ZBED4: variants seen among roughly 807,000 people sequenced by gnomAD.
ZBED4 encodes the protein zinc finger BED-type containing 4.
ZBED4 carries 4 observed loss-of-function variants against 15.5 expected under a neutral mutation model. The observed-to-expected ratio is 0.26, with a 90% CI of 0.13 to 0.59. The LOEUF is 0.59. ZBED4 is among the 20% of genes least tolerant of loss of function. The pLI is 0.90. For synonymous variants in ZBED4, 692 were observed against 608.5 expected (o/e 1.14, Z -2.02); for missense variants, 1,323 against 1,461.8 (o/e 0.91, Z 1.55).
rs2147547116 is a variant in ZBED4, at chr22:49,884,209, C to T, written c.547C>T (p.Pro183Ser). Residue 183 changes from proline (P) to serine (S), a missense_variant, in exon 2 of 2, where the codon CCC (proline) becomes TCC (serine). Physicochemically the swap from Pro to Ser is moderately conservative, Grantham distance 74 (BLOSUM62 -1). Around this residue, in one of 6 missense-constraint regions of ZBED4, gnomAD observed 380 missense variants for 413.7 expected, o/e 0.92. Coordinates refer to ENST00000216268, the MANE Select transcript of ZBED4 (RefSeq NM_014838.3). ...NGSVSAVSSFPSPSLLLPPQP... is the reference protein window; with the variant it reads ...NGSVSAVSSFSSPSLLLPPQP... ...CAGTGTGTCTGCCGTGTCCTCGTTC[C>T]CCTCTCCCTCACTCCTGCTTCCACC... 2 of 1,604,918 alleles carry T rather than the reference C, an allele frequency of 1.2e-6. No homozygotes were observed. The highest frequency in any genetic ancestry group is 4.5e-5 in the East Asian group (2 of 44,760).
intron 1 of ZBED4, among the ~76,000 whole-genome samples, chr22:49,855,331 G>A (rs1041302453): frequency 1.9e-4 from 29 of 152,070 alleles, no homozygotes; most frequent in African/African-American, 6.3e-4. Flanking sequence ...TTGACAGGTG[G>A]TTACAGGGTC....
At position 49,883,440 on chromosome 22, in the gene ZBED4, G is replaced by C. The variant is rs2060419743; in HGVS notation, c.-223G>C. 1.9e-6 allele frequency: 1 copy of C among 514,318 alleles called. No homozygotes were observed. Among genetic ancestry groups the C allele is most frequent in the Non-Finnish European group, 3.2e-6 (1 of 312,930 alleles). 31.9% of individuals were successfully genotyped at this position (514,318 alleles called of 1,614,324 possible). On this transcript the variant is annotated 5_prime_UTR_variant, in exon 2 of 2. Coordinates refer to ENST00000216268, the MANE Select transcript of ZBED4 (RefSeq NM_014838.3). ...ACACATTGTTGTCTACACCATGAGT[G>C]TTTAGTAGCAGGACTCTTGGAAAGC...
chr22:49,880,616 T>C (rs992135233), intron 1 of ZBED4, among the ~76,000 whole-genome samples: 2 of 152,212 alleles, frequency 1.3e-5, no homozygotes, highest in Non-Finnish European at 2.9e-5. Flanking sequence ...TTGTCTGAGG[T>C]CAACCTGGTT....
At chr22:49,882,603 C>CCCCTGTTCTCCGTCTTG (rs2060415036) in intron 1 of ZBED4, among the ~76,000 whole-genome samples, 1 of 152,222 alleles carries the variant, frequency 6.6e-6, no homozygotes, top group African/African-American at 2.4e-5. Flanking sequence ...ACAGCTCCTG[C>CCCCTGTTCTCCGTCTTG]CCCTGTTCTC....
Position 49,886,998 on chromosome 22 carries a change from G to A in ZBED4, c.3336G>A (p.Pro1112=), listed in dbSNP as rs146642192. ...GGAACCTGAAGAAGGCGTCCTGGCCGGGGCTGTCCGCGCTGGCCGTCAGAT... is the reference window on the plus strand; with the variant it reads ...GGAACCTGAAGAAGGCGTCCTGGCCAGGGCTGTCCGCGCTGGCCGTCAGAT... ...TYWNLKKASW[P]GLSALAVRFL... is the part of the protein sequence containing the mutation. Residue 1112 remains proline, a synonymous_variant, in exon 2 of 2, where the codon CCG becomes CCA. Transcript: ENST00000216268. This position sits in a 1 kb window ranked among gnomAD's most constrained non-coding sequence, Gnocchi z 7.7. 9.0e-5 allele frequency: 146 copies of A among 1,614,056 alleles called. No individual in the cohort carries two copies. The African/African-American group carries it at 1.1e-3, about 12-fold the overall frequency.
chr22:49,870,551 T>C (rs1007564662), intron 1 of ZBED4, among the ~76,000 whole-genome samples: 1 of 152,216 alleles, frequency 6.6e-6, no homozygotes, highest in African/African-American at 2.4e-5. Context: ...TCGTTGTGGT[T>C]TTGATTTGCA....
chr22:49,887,540 T>A lies in ZBED4; in HGVS notation c.*362T>A, dbSNP rs148295145. On this transcript the variant is annotated 3_prime_UTR_variant, in exon 2 of 2. Transcript: ENST00000216268. ...ATTCTGTAGGCTTTTTACTCAATTA[T>A]GTACAAACCACAAATCAGGTACTGT... 2 of 193,086 alleles carry A rather than the reference T, an allele frequency of 1.0e-5. No individual in the cohort carries two copies. Among genetic ancestry groups the A allele is most frequent in the African/African-American group, 4.7e-5 (2 of 42,278 alleles). 12.0% of individuals were successfully genotyped at this position (193,086 alleles called of 1,614,324 possible). A position where few individuals can be genotyped will look rare whatever the true frequency, so the allele number is the denominator to read the frequency against.
intron 1 of ZBED4, among the ~76,000 whole-genome samples, chr22:49,860,432 G>A (rs1331560179): frequency 6.6e-6 from 1 of 152,194 alleles, no homozygotes; most frequent in Non-Finnish European, 1.5e-5. Context: ...TGTGCATACA[G>A]TAGGTTGTAG....
chr22:49,867,663 G>C (rs1390820455), intron 1 of ZBED4, among the ~76,000 whole-genome samples: 2 of 152,162 alleles, frequency 1.3e-5, no homozygotes, highest in Non-Finnish European at 1.5e-5. Flanking sequence ...TTGGCTACTT[G>C]GGGATGCTCG....
upstream of ZBED4, chr22:49,853,343 C>G (rs2060259322): frequency 6.6e-6 from 1 of 152,184 alleles, no homozygotes; most frequent in Non-Finnish European, 1.5e-5. Context: ...CGGGGAGCCC[C>G]GATCGCCTTA....
At position 49,886,701 on chromosome 22, in the gene ZBED4, G is replaced by A; in HGVS notation, c.3039G>A (p.Lys1013=). Residue 1013 remains lysine, a synonymous_variant, in exon 2 of 2, where the codon AAG becomes AAA. Transcript: ENST00000216268. This position sits in a 1 kb window ranked among gnomAD's most constrained non-coding sequence, Gnocchi z 7.7. The part of the protein sequence containing the change: ...VFATLLDPRY[K]ASLFTEEEAE... The stretch of plus-strand genomic sequence containing the variant: ...CCACGCTGCTGGATCCTCGCTACAA[G>A]GCCTCCCTGTTTACGGAGGAGGAGG... The A allele has an allele frequency of 6.2e-7, 1 of 1,613,254 alleles. No homozygotes were observed. The highest frequency in any genetic ancestry group is 8.5e-7 in the Non-Finnish European group (1 of 1,179,758).
Position 49,884,547 on chromosome 22 carries a change from C to T in ZBED4, c.885C>T (p.Tyr295=), listed in dbSNP as rs2060426494. Reference sequence around the variant, plus strand: ...GGTCCGCTGTCTGGAAGCACTTCTACCTGTCGCCACTGGACAACTCCAAAG... The same window carrying T: ...GGTCCGCTGTCTGGAAGCACTTCTATCTGTCGCCACTGGACAACTCCAAAG... The part of the protein sequence containing the change: ...RRRSAVWKHF[Y]LSPLDNSKAV... Residue 295 remains tyrosine (Y), a synonymous_variant, in exon 2 of 2, where the codon TAC becomes TAT. Coordinates refer to ENST00000216268, the MANE Select transcript of ZBED4 (RefSeq NM_014838.3). 2 of 1,613,602 alleles carry T rather than the reference C, an allele frequency of 1.2e-6. No homozygotes were observed. Among genetic ancestry groups the T allele is most frequent in the South Asian group, 1.1e-5 (1 of 91,028 alleles).
In ZBED4 at chr22:49,887,157, C is replaced by T; in HGVS notation, c.3495C>T (p.Pro1165=). 6.2e-7 allele frequency: 1 copy of T among 1,611,576 alleles called. No individual in the cohort carries two copies. Among genetic ancestry groups the T allele is most frequent in the Non-Finnish European group, 8.5e-7 (1 of 1,178,508 alleles). Reference sequence around the variant, plus strand: ...TTATCTTTTTGAAAGTGAATCTTCCCTTAATATACTTTCAGTATTGAAACT... The same window carrying T: ...TTATCTTTTTGAAAGTGAATCTTCCTTTAATATACTTTCAGTATTGAAACT... ...EKLIFLKVNL[P]LIYFQY is the part of the protein sequence containing the mutation. The change falls in exon 2 of 2, where the codon CCC becomes CCT. Residue 1165 remains proline, a synonymous_variant. Transcript: ENST00000216268.
chr22:49,857,024 G>A (rs527573640), intron 1 of ZBED4, among the ~76,000 whole-genome samples: 3 of 152,310 alleles, frequency 2.0e-5, no homozygotes, highest in African/African-American at 7.2e-5. Context: ...TACCTGATTA[G>A]GGTCGGGAGG....
At chr22:49,882,906 A>G (rs2060416767) in intron 1 of ZBED4, among the ~76,000 whole-genome samples, 1 of 152,254 alleles carries the variant, frequency 6.6e-6, no homozygotes, top group Non-Finnish European at 1.5e-5. Context: ...CACGTTAGCT[A>G]GAGTTTTTCA....
chr22:49,863,364 C>T (rs542853622), intron 1 of ZBED4, among the ~76,000 whole-genome samples: 2 of 152,344 alleles, frequency 1.3e-5, no homozygotes, highest in South Asian at 2.1e-4. Context: ...TGTGGTGGCT[C>T]ACGCCTGTAA....
rs1177586045 is a variant in ZBED4 at position 49,887,268 on chromosome 22, T to C, written c.*90T>C. On this transcript the variant is annotated 3_prime_UTR_variant, in exon 2 of 2. Coordinates refer to ENST00000216268, the MANE Select transcript of ZBED4 (RefSeq NM_014838.3). ...CTATGACCCGCTCTGCCCACGGCTG[T>C]GTACGACATCAGACCAGGCACTCTC... 1.7e-5 allele frequency: 23 copies of C among 1,393,938 alleles called. No individual in the cohort carries two copies. The highest frequency in any genetic ancestry group is 2.2e-5 in the Admixed American group (1 of 45,302). The allele number at this position is 1,393,938 out of a possible 1,614,324, so 86.3% of individuals were successfully genotyped here. A position where few individuals can be genotyped will look rare whatever the true frequency, so the allele number is the denominator to read the frequency against.
intron 1 of ZBED4, among the ~76,000 whole-genome samples, chr22:49,871,942 C>T (rs1224308094): frequency 6.6e-6 from 1 of 152,044 alleles, no homozygotes; most frequent in African/African-American, 2.4e-5. Context: ...GACGAGGTTT[C>T]ACCATGTTGG....
intron 1 of ZBED4, among the ~76,000 whole-genome samples, chr22:49,869,121 CAAAAAAAA>C (rs113863967): frequency 2.1e-5 from 2 of 93,406 alleles, no homozygotes; most frequent in African/African-American, 6.6e-5. Context: ...AAAACTGTCT[CAAAAAAAA>C]AAAAAAAAGA....
Sources: gnomAD v4.1 joint callset for allele counts (sites outside exome capture counted in the v4.1 genomes callset) on GRCh38, gnomAD v4.1.1 for gene constraint, gnomAD v4.1.1 regional missense constraint, Gnocchi (gnomAD v3.1) non-coding constraint, MANE v1.5 for transcripts, NCBI Gene and HGNC (gene_info 2026-07-23, HGNC 2026-07-21) for gene names.